EYA2: variants seen among roughly 807,000 people sequenced by gnomAD.
EYA2 encodes EYA transcriptional coactivator and phosphatase 2, also known as protein phosphatase EYA2.
EYA2 carries 31 observed loss-of-function variants against 69.2 expected under a neutral mutation model. That is an observed-to-expected ratio of 0.45 (90% CI 0.34 to 0.60). EYA2 has a LOEUF of 0.60. EYA2 is among the 20% of genes least tolerant of loss of function. The probability of loss-of-function intolerance (pLI) is 0.02; values close to 1 mark genes in which losing one functional copy is unlikely to be tolerated. For synonymous variants in EYA2, 257 were observed against 279.4 expected, an observed-to-expected ratio of 0.92 and a Z score of 0.80; for missense variants, 622 against 701.2, an observed-to-expected ratio of 0.89 and a Z score of 1.28.
chr20:47,120,044 T>C (rs537859584), intron 9 of EYA2, among the ~76,000 whole-genome samples: 41 of 152,098 alleles, frequency 2.7e-4, no homozygotes, highest in Non-Finnish European at 5.1e-4. Flanking sequence ...CCGTCTATAC[T>C]AAAAGTACAA....
intron 9 of EYA2, among the ~76,000 whole-genome samples, chr20:47,102,656 G>T (rs60771447): frequency 6.6e-6 from 1 of 152,174 alleles, no homozygotes; most frequent in African/African-American, 2.4e-5. Flanking sequence ...CTGGGCTCCC[G>T]TTCTGTTCCC....
In EYA2 at chr20:47,183,225, G is replaced by A. The variant is rs571970822; in HGVS notation, c.1436-66G>A. On this transcript the variant is annotated intron_variant, in intron 14 of 15. Transcript: ENST00000327619. ...GCTGCAGGCACCAAGCTCTTAATGA[G>A]CGGGTATTGGCTGCAATCCGGGGTC... 2.6e-5 allele frequency: 38 copies of A among 1,465,418 alleles called. No homozygotes were observed. In the East Asian group the frequency reaches 7.0e-4, roughly 27 times the overall value. 90.8% of individuals were successfully genotyped at this position (1,465,418 alleles called of 1,614,324 possible). A position where few individuals can be genotyped will look rare whatever the true frequency, so the allele number is the denominator to read the frequency against.
intron 1 of EYA2, among the ~76,000 whole-genome samples, chr20:46,973,872 TA>T (rs573852777): frequency 7.3e-4 from 111 of 152,162 alleles, no homozygotes; most frequent in African/African-American, 2.5e-3. Context: ...AAAACATTTT[TA>T]AAAAAACTCA....
At chr20:47,080,586 T>A (rs1240166052) in intron 7 of EYA2, among the ~76,000 whole-genome samples, 1 of 152,104 alleles carries the variant, frequency 6.6e-6, no homozygotes, top group Non-Finnish European at 1.5e-5. Context: ...TACAATATGG[T>A]GACTATAGTT....
intron 10 of EYA2, among the ~76,000 whole-genome samples, chr20:47,167,998 C>T (rs1033057978): frequency 4.6e-5 from 7 of 152,098 alleles, no homozygotes; most frequent in Non-Finnish European, 7.4e-5. Flanking sequence ...CAGCTCCCGG[C>T]TTAATCCACC....
intron 9 of EYA2, among the ~76,000 whole-genome samples, chr20:47,133,732 G>A (rs940798592): frequency 7.2e-5 from 11 of 152,138 alleles, no homozygotes; most frequent in Non-Finnish European, 1.2e-4. Flanking sequence ...AGGGGAGCAC[G>A]GACACTCCAC....
At chr20:46,932,012 C>G (rs567582812) in intron 1 of EYA2, among the ~76,000 whole-genome samples, 27 of 151,100 alleles carry the variant, frequency 1.8e-4, no homozygotes, top group African/African-American at 6.3e-4. Context: ...GCCCGGCAGC[C>G]AGAAAAGCCA....
chr20:46,928,154 A>G (rs1350343525), intron 1 of EYA2, among the ~76,000 whole-genome samples: 2 of 152,174 alleles, frequency 1.3e-5, no homozygotes, highest in Non-Finnish European at 1.5e-5. Context: ...TCTGCACTGG[A>G]GGAGGTGGGA....
chr20:47,089,321 G>A lies in EYA2; in HGVS notation c.744G>A (p.Lys248=), dbSNP rs745556528. 2 of 1,614,126 alleles carry A rather than the reference G, an allele frequency of 1.2e-6. No individual in the cohort carries two copies. The highest frequency in any genetic ancestry group is 4.5e-5 in the East Asian group (2 of 44,870). Residue 248 remains lysine (K), a synonymous_variant, in exon 8 of 16, where the codon AAG becomes AAA. Transcript: ENST00000327619. ...GGCCGCACCGGGCCTCCGACGGGAA[G>A]CTCCGAGGCCGGTCTAAGAGGAGCA... ...TDRPHRASDG[K]LRGRSKRSSD...
intron 9 of EYA2, among the ~76,000 whole-genome samples, chr20:47,135,842 C>CAAAAAAA (rs1266669397): frequency 9.3e-5 from 5 of 54,022 alleles, no homozygotes; most frequent in Non-Finnish European, 1.5e-4. Context: ...AAAAAAAAAA[C>CAAAAAAA]AAACAAACAA....
chr20:47,132,341 G>A (rs1427367273), intron 9 of EYA2, among the ~76,000 whole-genome samples: 1 of 152,208 alleles, frequency 6.6e-6, no homozygotes, highest in Non-Finnish European at 1.5e-5. Flanking sequence ...AACTTGCAAA[G>A]GTGTTCCAAG....
chr20:47,179,535 T>C (rs1181962812), intron 12 of EYA2, among the ~76,000 whole-genome samples: 1 of 123,046 alleles, frequency 8.1e-6, no homozygotes, highest in African/African-American at 3.0e-5. Flanking sequence ...GGTAGGTAGA[T>C]AGATGGGTGG....
chr20:47,052,396 A>G lies in EYA2; in HGVS notation c.416-19789A>G, dbSNP rs181723509. Among the ~76,000 whole-genome samples the G allele has an allele frequency of 3.7e-3, 570 of 152,268 alleles. 4 individuals carry two copies. The highest frequency in any genetic ancestry group is 0.014 in the Middle Eastern group (4 of 294). Reference sequence around the variant, plus strand: ...GGCCCCCACCTGTGGTCCTGGCAGCATCAGCATCACGAGGGGCGTGTTAGA... The same window carrying G: ...GGCCCCCACCTGTGGTCCTGGCAGCGTCAGCATCACGAGGGGCGTGTTAGA... On this transcript the variant is annotated intron_variant, in intron 5 of 15. Coordinates refer to ENST00000327619, the MANE Select transcript of EYA2 (RefSeq NM_005244.5).
chr20:46,996,096 G>A (rs776911721), intron 2 of EYA2, among the ~76,000 whole-genome samples: 21 of 152,152 alleles, frequency 1.4e-4, no homozygotes, highest in Non-Finnish European at 2.1e-4. Context: ...TTTGGCCTAC[G>A]GTAGGTGCAT....
chr20:46,896,196 T>G (rs1248228495), intron 1 of EYA2, among the ~76,000 whole-genome samples: 1 of 152,218 alleles, frequency 6.6e-6, no homozygotes, highest in Non-Finnish European at 1.5e-5. Context: ...ATTTGAGCAC[T>G]GAATTATGTT....
chr20:47,090,648 T>C (rs1351610610), intron 8 of EYA2, among the ~76,000 whole-genome samples: 1 of 152,190 alleles, frequency 6.6e-6, no homozygotes, highest in East Asian at 1.9e-4. Flanking sequence ...GTCTACCATC[T>C]CACAAAGTTA....
chr20:46,950,661 G>T lies in EYA2; in HGVS notation c.-10-39340G>T, dbSNP rs145234526. Reference sequence around the variant, plus strand: ...TACTCAAATTGCCTCTGCCGTGTTGGTTGTTTCTGTCACTGTGCAGAGTCT... The same window carrying T: ...TACTCAAATTGCCTCTGCCGTGTTGTTTGTTTCTGTCACTGTGCAGAGTCT... On this transcript the variant is annotated intron_variant, in intron 1 of 15. Transcript: ENST00000327619. Among the ~76,000 whole-genome samples, 298 of 152,312 alleles carry T rather than the reference G, an allele frequency of 2.0e-3. 1 individual carries two copies. Among genetic ancestry groups the T allele is most frequent in the African/African-American group, 6.6e-3 (275 of 41,564 alleles).
chr20:47,145,622 G>T (rs2033684205), intron 10 of EYA2, among the ~76,000 whole-genome samples: 1 of 152,194 alleles, frequency 6.6e-6, no homozygotes, highest in Admixed American at 6.5e-5. Flanking sequence ...ATGTGGTCTG[G>T]GCATGGTGGC....
chr20:47,179,559 T>C (rs2034497080), intron 12 of EYA2, among the ~76,000 whole-genome samples: 1 of 134,642 alleles, frequency 7.4e-6, no homozygotes, highest in African/African-American at 2.8e-5. Context: ...GGTGGGTGGA[T>C]GGATGGATGG....
Sources: allele counts gnomAD v4.1 joint callset (sites outside exome capture counted in the v4.1 genomes callset), GRCh38; gene constraint gnomAD v4.1.1; transcripts MANE v1.5; gene names NCBI Gene and HGNC (gene_info 2026-07-23, HGNC 2026-07-21).